Variants in SLC39A8 observed in about 807,000 individuals in gnomAD.
The protein encoded by SLC39A8 is metal cation symporter ZIP8.
A neutral mutation model predicts 40.4 loss-of-function variants in SLC39A8; 15 were observed. The ratio of observed to expected loss-of-function variants is 0.37; its 90% CI spans 0.25 to 0.57. The LOEUF (loss-of-function observed/expected upper bound fraction) is 0.57, where lower values mean the gene tolerates loss of function less well. SLC39A8 is among the 20% of genes least tolerant of loss of function. The probability of loss-of-function intolerance (pLI) is 0.75; values close to 1 mark genes in which losing one functional copy is unlikely to be tolerated. For missense variants in SLC39A8, 472 were observed against 558.8 expected (o/e 0.84, Z 1.57); for synonymous variants, 223 against 221.6 (o/e 1.01, Z -0.06).
chr4:102,319,114 A>G (rs117444705), intron 2 of SLC39A8, among the ~76,000 whole-genome samples: 2 of 152,338 alleles, frequency 1.3e-5, no homozygotes, highest in East Asian at 1.9e-4. Flanking sequence ...ACCGCAAAGT[A>G]TGCTCAAAAC....
chr4:102,313,874 C>A (rs1446604591), intron 3 of SLC39A8, among the ~76,000 whole-genome samples: 1 of 152,038 alleles, frequency 6.6e-6, no homozygotes, highest in African/African-American at 2.4e-5. Flanking sequence ...AGGGATGAGT[C>A]ACCGTGCCTA....
At chr4:102,259,929 AG>A (rs1346693873), downstream of SLC39A8, among the ~76,000 whole-genome samples, 1 of 152,246 alleles carries the variant, frequency 6.6e-6, no homozygotes, top group Non-Finnish European at 1.5e-5. Context: ...TCCATAGAAA[AG>A]AGTTTTGTTT....
intron 2 of SLC39A8, among the ~76,000 whole-genome samples, chr4:102,338,097 T>A (rs549569883): frequency 1.3e-5 from 2 of 152,188 alleles, no homozygotes; most frequent in Non-Finnish European, 2.9e-5. Flanking sequence ...CAATCATATA[T>A]GGCCTTGTGA....
chr4:102,253,308 A>G, exon 12 of SLC39A8: 1 of 579,534 alleles, frequency 1.7e-6, no homozygotes, highest in Non-Finnish European at 3.2e-6. Flanking sequence ...CAGCACACAC[A>G]GCATCACGTC....
At chr4:102,299,466 T>C (rs1733820236) in intron 6 of SLC39A8, among the ~76,000 whole-genome samples, 1 of 152,050 alleles carries the variant, frequency 6.6e-6, no homozygotes, top group South Asian at 2.1e-4. Flanking sequence ...CACTGTGCCC[T>C]ATGTGCCAGC....
At chr4:102,320,188 T>TAC (rs1232255590) in intron 2 of SLC39A8, among the ~76,000 whole-genome samples, 2 of 89,716 alleles carry the variant, frequency 2.2e-5, no homozygotes, top group Non-Finnish European at 5.0e-5. Context: ...TATATATATA[T>TAC]ATGTATATAT....
At chr4:102,321,699 T>G (rs1734974721) in intron 2 of SLC39A8, among the ~76,000 whole-genome samples, 1 of 152,196 alleles carries the variant, frequency 6.6e-6, no homozygotes, top group Non-Finnish European at 1.5e-5. Context: ...GGCAGGATGG[T>G]GGCAACTTTG....
In SLC39A8 at chr4:102,341,799, G is replaced by T. The variant is rs115543391; in HGVS notation, c.219+2645C>A. 2.0e-3 allele frequency among the ~76,000 whole-genome samples: 308 copies of T among 152,270 alleles called. 2 individuals carry two copies. The highest frequency in any genetic ancestry group is 6.8e-3 in the African/African-American group (284 of 41,538). Reference sequence around the variant, plus strand: ...TCCAAAATTGTCTAACAAATCTCCAGAGTTCATTAGTCTATTACCTGAGAA... The same window carrying T: ...TCCAAAATTGTCTAACAAATCTCCATAGTTCATTAGTCTATTACCTGAGAA... On this transcript the variant is annotated intron_variant, in intron 2 of 8. Coordinates refer to ENST00000356736, the MANE Select transcript of SLC39A8 (RefSeq NM_001135146.2).
At chr4:102,287,229 AC>A (rs1733223207) in intron 6 of SLC39A8, among the ~76,000 whole-genome samples, 2 of 151,952 alleles carry the variant, frequency 1.3e-5, no homozygotes, top group Non-Finnish European at 2.9e-5. Context: ...GAGTTCATGA[AC>A]CCCTTTAAAT....
In SLC39A8 at chr4:102,253,346, A is replaced by C. The variant is rs138590198; in HGVS notation, c.*383T>G. 54 of 694,060 alleles carry C rather than the reference A, an allele frequency of 7.8e-5. No homozygotes were observed. In the African/African-American group the frequency reaches 7.8e-4, roughly 10 times the overall value. The allele number at this position is 694,060 out of a possible 1,614,324, so 43.0% of individuals were successfully genotyped here. On this transcript the variant is annotated 3_prime_UTR_variant and NMD_transcript_variant, in exon 12 of 12. Coordinates refer to the SLC39A8 transcript ENST00000424970. ...AATGGTCATAACTATGTCATATGCC[A>C]ACCTCTAACCAATCACTGTTGAAGG...
Position 102,344,721 on chromosome 4 carries a change from C to T in SLC39A8, c.-59G>A. 2 of 1,375,040 alleles carry T rather than the reference C, an allele frequency of 1.5e-6. No individual in the cohort carries two copies. Among genetic ancestry groups the T allele is most frequent in the Non-Finnish European group, 1.9e-6 (2 of 1,072,372 alleles). The allele number at this position is 1,375,040 out of a possible 1,614,324, so 85.2% of individuals were successfully genotyped here. ...GGGCTGCCGCGCAGAGGGACGCGCG[C>T]GGGCGCACTGGCGTCCTTGCCCAAG... On this transcript the variant is annotated 5_prime_UTR_variant, in exon 2 of 9. Transcript: ENST00000356736.
chr4:102,252,745 A>G (rs1731621502), exon 12 of SLC39A8: 1 of 152,084 alleles, frequency 6.6e-6, no homozygotes, highest in Non-Finnish European at 1.5e-5. Flanking sequence ...AGGTAGCTGT[A>G]TTAGTCGGCT....
chr4:102,253,072 T>G (rs1731628158), exon 12 of SLC39A8: 1 of 197,116 alleles, frequency 5.1e-6, no homozygotes, highest in African/African-American at 2.4e-5. Context: ...TGAGCTCATC[T>G]TAACAAATTA....
chr4:102,333,646 T>C (rs1318843480), intron 2 of SLC39A8, among the ~76,000 whole-genome samples: 1 of 152,176 alleles, frequency 6.6e-6, no homozygotes, highest in Non-Finnish European at 1.5e-5. Context: ...GGTTTAGACC[T>C]GTTGAGTTGG....
intron 2 of SLC39A8, among the ~76,000 whole-genome samples, chr4:102,343,865 A>T (rs1268529345): frequency 1.3e-5 from 2 of 152,194 alleles, no homozygotes; most frequent in Admixed American, 1.3e-4. Context: ...GGAACTAACA[A>T]TATAAGCCTA....
downstream of SLC39A8, among the ~76,000 whole-genome samples, chr4:102,258,387 T>A (rs1238442354): frequency 2.0e-5 from 3 of 152,186 alleles, no homozygotes; most frequent in Admixed American, 6.5e-5. Context: ...GCCCTTCTCC[T>A]ACCCCTGGAT....
chr4:102,261,778 C>A lies in SLC39A8; in HGVS notation c.*1266G>T. 1.0e-6 allele frequency: 1 copy of A among 985,634 alleles called. No homozygotes were observed. The highest frequency in any genetic ancestry group is 1.1e-4 in the East Asian group (1 of 8,944). The allele number at this position is 985,634 out of a possible 1,614,324, so 61.1% of individuals were successfully genotyped here. On this transcript the variant is annotated 3_prime_UTR_variant, in exon 9 of 9. Transcript: ENST00000356736. The stretch of plus-strand genomic sequence containing the variant: ...AATATTCACCAAATCTGCATTGCTG[C>A]TACATGAAAACATTTTTTGGTCTGT...
In SLC39A8 at chr4:102,262,881, A is replaced by C; in HGVS notation, c.*163T>G. On this transcript the variant is annotated 3_prime_UTR_variant, in exon 9 of 9. Transcript: ENST00000356736. The stretch of plus-strand genomic sequence containing the variant: ...CCTTTTGAAGCATTTTTAACAACAA[A>C]TAATGGACTATTTCACAGACTGATG... 1 of 1,382,470 alleles carries C rather than the reference A, an allele frequency of 7.2e-7. No individual in the cohort carries two copies. Among genetic ancestry groups the C allele is most frequent in the Non-Finnish European group, 9.3e-7 (1 of 1,071,262 alleles). 85.6% of individuals were successfully genotyped at this position (1,382,470 alleles called of 1,614,324 possible). A position where few individuals can be genotyped will look rare whatever the true frequency, so the allele number is the denominator to read the frequency against.
intron 6 of SLC39A8, among the ~76,000 whole-genome samples, chr4:102,289,426 C>T (rs1733325099): frequency 6.6e-6 from 1 of 152,082 alleles, no homozygotes; most frequent in Non-Finnish European, 1.5e-5. Flanking sequence ...CTCCTGAAGT[C>T]CATGGGTCAA....
Sources: allele counts gnomAD v4.1 joint callset (sites outside exome capture counted in the v4.1 genomes callset), GRCh38; gene constraint gnomAD v4.1.1; transcripts MANE v1.5; gene names NCBI Gene and HGNC (gene_info 2026-07-23, HGNC 2026-07-21).